Variants in DHX15 observed in about 807,000 individuals in gnomAD.
DHX15 encodes the protein DEAH-box helicase 15.
DHX15 carries 11 observed loss-of-function variants against 94.4 expected under a neutral mutation model. That is an observed-to-expected ratio of 0.12 (90% CI 0.07 to 0.19). DHX15 has a LOEUF of 0.19. DHX15 is among the 10% of genes least tolerant of loss of function. The pLI is 1.00. For synonymous variants in DHX15, 338 were observed against 329.9 expected (o/e 1.02, Z -0.27); for missense variants, 304 against 988.5 (o/e 0.31, Z 9.29).
chr4:24,546,678 G>GT, intron 6 of DHX15, among the ~76,000 whole-genome samples: 1 of 152,038 alleles, frequency 6.6e-6, no homozygotes, highest in Non-Finnish European at 1.5e-5. Context: ...TTAAAAGGCT[G>GT]TTTTTTATTA....
At chr4:24,547,249 T>C (rs1380915306) in intron 6 of DHX15, among the ~76,000 whole-genome samples, 1 of 152,198 alleles carries the variant, frequency 6.6e-6, no homozygotes, top group African/African-American at 2.4e-5. Flanking sequence ...GATGGCAAAG[T>C]GGCAATATAG....
At chr4:24,557,651 A>G (rs1194059268) in intron 3 of DHX15, among the ~76,000 whole-genome samples, 1 of 152,192 alleles carries the variant, frequency 6.6e-6, no homozygotes, top group Non-Finnish European at 1.5e-5. Context: ...ATAAACTACC[A>G]CATTCCTGGG....
Position 24,554,669 on chromosome 4 carries a change from T to C in DHX15, c.1080+56A>G, listed in dbSNP as rs1577341679. On this transcript the variant is annotated intron_variant, in intron 5 of 13. Transcript: ENST00000336812. ...AACATGTTCTTATGATTAAGGTTGC[T>C]GCATATTAGAAACAGTATGTCAAAA... 9 of 1,298,324 alleles carry C rather than the reference T, an allele frequency of 6.9e-6. No individual in the cohort carries two copies. The Admixed American group carries it at 7.5e-5, about 11-fold the overall frequency. 80.4% of individuals were successfully genotyped at this position (1,298,324 alleles called of 1,614,324 possible).
At chr4:24,529,398 C>T (rs148167674) in intron 13 of DHX15, among the ~76,000 whole-genome samples, 1 of 152,234 alleles carries the variant, frequency 6.6e-6, no homozygotes, top group Admixed American at 6.5e-5. Flanking sequence ...AAATCCTGCC[C>T]ATAAATATCA....
At position 24,546,187 on chromosome 4, in the gene DHX15, T is replaced by C. The variant is rs149003720; in HGVS notation, c.1248+2668A>G. 3.7e-4 allele frequency among the ~76,000 whole-genome samples: 57 copies of C among 152,306 alleles called. 2 individuals carry two copies. The East Asian group carries it at 0.011, about 29-fold the overall frequency. On this transcript the variant is annotated intron_variant, in intron 6 of 13. Coordinates refer to ENST00000336812, the MANE Select transcript of DHX15 (RefSeq NM_001358.3). The stretch of plus-strand genomic sequence containing the variant: ...ACAAGGACATCAACTTATTTGCTTA[T>C]AAACATCCCAGCAGCACCACAGTAA...
At chr4:24,566,644 G>A (rs952712116) in intron 3 of DHX15, among the ~76,000 whole-genome samples, 6 of 152,152 alleles carry the variant, frequency 3.9e-5, no homozygotes, top group East Asian at 1.9e-4. Context: ...TGGCCAACAC[G>A]GTGAAACTCT....
chr4:24,533,169 T>C, intron 11 of DHX15, 115 bp from the exon 12 acceptor site: 2 of 908,608 alleles, frequency 2.2e-6, no homozygotes, highest in Non-Finnish European at 3.6e-6. Context: ...GAAAGGAGAT[T>C]TACCCACAAC....
rs1466866854 is a variant in DHX15 at position 24,584,510 on chromosome 4, C to T, written c.-117G>A. 1.9e-6 allele frequency: 2 copies of T among 1,032,544 alleles called. No individual in the cohort carries two copies. The highest frequency in any genetic ancestry group is 1.7e-5 in the African/African-American group (1 of 59,602). 64.0% of individuals were successfully genotyped at this position (1,032,544 alleles called of 1,614,324 possible). On this transcript the variant is annotated 5_prime_UTR_variant, in exon 1 of 14. In the 5' UTR this introduces an upstream ATG that the reference lacks. Transcript: ENST00000336812. The stretch of plus-strand genomic sequence containing the variant: ...CCACCCCTCCCGCTACTACAGCCCA[C>T]ACGGTGCGGCCGGAACCAACAGCTA...
chr4:24,579,819 G>A (rs1204776071), intron 1 of DHX15, among the ~76,000 whole-genome samples: 3 of 152,192 alleles, frequency 2.0e-5, no homozygotes, highest in Non-Finnish European at 4.4e-5. Flanking sequence ...AGGCTGGAGT[G>A]CAGTGGTGCA....
intron 8 of DHX15, 74 bp downstream of exon 8, chr4:24,541,799 G>C (rs879162561): frequency 1.4e-6 from 2 of 1,386,278 alleles, no homozygotes; most frequent in South Asian, 1.6e-5. Context: ...AAGTAAATAA[G>C]GCAATGTTCT....
Position 24,560,250 on chromosome 4 carries a change from C to T in DHX15, c.702-3840G>A, listed in dbSNP as rs796786759. 2.6e-5 allele frequency among the ~76,000 whole-genome samples: 4 copies of T among 151,530 alleles called. No individual in the cohort carries two copies. The South Asian group carries it at 6.2e-4, about 24-fold the overall frequency. ...ATATATGTATATATATTTTATGAAA[C>T]ATTCCAAAAAATTACAAACTAAGCC... On this transcript the variant is annotated intron_variant, in intron 3 of 13. Transcript: ENST00000336812.
At position 24,571,812 on chromosome 4, in the gene DHX15, G is replaced by A. The variant is rs115694497; in HGVS notation, c.508-965C>T. ...TTTTAGTTAGGTTGCTTCTGCAATT[G>A]GGGGTAACTTGTCACTAACAAATAT... On this transcript the variant is annotated intron_variant, in intron 2 of 13. Coordinates refer to ENST00000336812, the MANE Select transcript of DHX15 (RefSeq NM_001358.3). Among the ~76,000 whole-genome samples, 495 of 152,260 alleles carry A rather than the reference G, an allele frequency of 3.3e-3. 1 individual carries two copies. The highest frequency in any genetic ancestry group is 6.8e-3 in the Middle Eastern group (2 of 294).
intron 2 of DHX15, among the ~76,000 whole-genome samples, chr4:24,572,658 C>T (rs762952152): frequency 6.6e-6 from 1 of 152,094 alleles, no homozygotes; most frequent in Non-Finnish European, 1.5e-5. Context: ...TGTTTTAACA[C>T]AAAATAACGC....
Position 24,536,052 on chromosome 4 carries a change from T to C in DHX15, c.1909+999A>G, listed in dbSNP as rs77768772. On this transcript the variant is annotated intron_variant, in intron 11 of 13. Coordinates refer to ENST00000336812, the MANE Select transcript of DHX15 (RefSeq NM_001358.3). ...CCAGTTGCAATTTCTGTATTTTTTT[T>C]CTCCTTTAAATTTATTAAGGTTTCC... is the stretch of plus-strand genomic sequence containing the variant. Among the ~76,000 whole-genome samples, 1,092 of 152,298 alleles carry C rather than the reference T, an allele frequency of 7.2e-3. 13 individuals carry two copies. The highest frequency in any genetic ancestry group is 0.025 in the African/African-American group (1,047 of 41,558).
At chr4:24,539,634 T>G (rs1176898372) in intron 10 of DHX15, 1 of 152,244 alleles carries the variant, frequency 6.6e-6, no homozygotes, top group Non-Finnish European at 1.5e-5. Context: ...TTACTTGATA[T>G]GAAGTTTGAA....
chr4:24,540,071 A>G (rs1721277941), intron 10 of DHX15, 37 bp downstream of exon 10: 1 of 1,422,072 alleles, frequency 7.0e-7, no homozygotes, highest in Non-Finnish European at 9.3e-7. Flanking sequence ...CAAACTTTGA[A>G]GAGCTGGGCT....
intron 12 of DHX15, among the ~76,000 whole-genome samples, chr4:24,531,538 C>G (rs1030996368): frequency 3.3e-5 from 5 of 150,680 alleles, no homozygotes; most frequent in Non-Finnish European, 7.4e-5. Context: ...CGTGGCGAGG[C>G]CCTCTCTCTA....
At chr4:24,563,923 C>T (rs905540244) in intron 3 of DHX15, among the ~76,000 whole-genome samples, 8 of 151,854 alleles carry the variant, frequency 5.3e-5, no homozygotes, top group African/African-American at 1.5e-4. Context: ...AAAAATTAGC[C>T]GGGCGTGGTG....
chr4:24,576,477 T>C lies in DHX15; in HGVS notation c.273A>G (p.Ser91=), dbSNP rs780222297. The C allele has an allele frequency of 1.1e-5, 18 of 1,614,086 alleles. No individual in the cohort carries two copies. The highest frequency in any genetic ancestry group is 1.6e-4 in the Middle Eastern group (1 of 6,084). ...AATGAGCAGAATGTGTTGAATGCGT[T>C]GAATGTGCTGAGTGGGTTGAGTGAG... ...HSAHSTHSAH[S]THSTHSAHST... is the part of the protein sequence containing the mutation. Residue 91 remains serine, a synonymous_variant, in exon 2 of 14, where the codon TCA becomes TCG. Coordinates refer to ENST00000336812, the MANE Select transcript of DHX15 (RefSeq NM_001358.3).
Sources: gnomAD v4.1 joint callset for allele counts (sites outside exome capture counted in the v4.1 genomes callset) on GRCh38, gnomAD v4.1.1 for gene constraint, MANE v1.5 for transcripts, NCBI Gene and HGNC (gene_info 2026-07-23, HGNC 2026-07-21) for gene names.